The following TVP23C variants were observed in gnomAD, a reference collection of about 807,000 sequenced individuals.
TVP23C encodes Golgi apparatus membrane protein TVP23 homolog C.
Under a neutral mutation model 28.7 loss-of-function variants are expected in TVP23C, and 19 were observed. That is an observed-to-expected ratio of 0.66 (90% CI 0.46 to 0.97). The LOEUF (loss-of-function observed/expected upper bound fraction) is 0.97. TVP23C is among the 50% of genes least tolerant of loss of function. The probability of loss-of-function intolerance (pLI) is 0.00; values close to 1 mark genes in which losing one functional copy is unlikely to be tolerated. For missense variants in TVP23C, 186 were observed against 241.3 expected (o/e 0.77, Z 1.52); for synonymous variants, 68 against 81.7 (o/e 0.83, Z 0.90).
chr17:15,530,192 C>T (rs952605426), intron 5 of TVP23C, among the ~76,000 whole-genome samples: 1 of 152,188 alleles, frequency 6.6e-6, no homozygotes, highest in African/African-American at 2.4e-5. Context: ...CTGCTCTTTT[C>T]CTTTTATGCA....
rs537136384 is a variant in TVP23C, at chr17:15,557,603, C to G, written c.13-2239G>C. 1.4e-4 allele frequency among the ~76,000 whole-genome samples: 21 copies of G among 147,498 alleles called. 1 individual carries two copies. The highest frequency in any genetic ancestry group is 4.9e-4 in the African/African-American group (20 of 41,020). Reference sequence around the variant, plus strand: ...TGTGAGCCACCACGCCCAACCAAGACTGTCTTTGCATTGTAGTAAATCCTA... The same window carrying G: ...TGTGAGCCACCACGCCCAACCAAGAGTGTCTTTGCATTGTAGTAAATCCTA... On this transcript the variant is annotated intron_variant, in intron 1 of 5. Coordinates refer to ENST00000518321, the MANE Select transcript of TVP23C (RefSeq NM_001135036.2).
chr17:15,550,577 T>C (rs1983842186), intron 3 of TVP23C, among the ~76,000 whole-genome samples: 3 of 152,250 alleles, frequency 2.0e-5, no homozygotes, highest in South Asian at 2.1e-4. Flanking sequence ...TTTAAGATAG[T>C]AGTTTGTTAA....
At chr17:15,549,884 C>G (rs1042638485) in intron 3 of TVP23C, among the ~76,000 whole-genome samples, 15 of 151,204 alleles carry the variant, frequency 9.9e-5, no homozygotes, top group African/African-American at 3.7e-4. Context: ...AAGGAAGAGT[C>G]TTATGAGACC....
intron 5 of TVP23C, among the ~76,000 whole-genome samples, chr17:15,525,714 C>T (rs1982695871): frequency 6.6e-6 from 1 of 152,082 alleles, no homozygotes. Context: ...GTGCATGCGC[C>T]CACGTTCATC....
chr17:15,559,580 AG>A (rs1180666271), intron 1 of TVP23C, among the ~76,000 whole-genome samples: 1 of 148,440 alleles, frequency 6.7e-6, no homozygotes, highest in Non-Finnish European at 1.5e-5. Flanking sequence ...AAAAATCTGG[AG>A]GGGGAGGGGA....
intron 5 of TVP23C, among the ~76,000 whole-genome samples, chr17:15,525,478 G>A (rs147688251): frequency 0.021 from 3,217 of 152,288 alleles, 89 homozygotes; most frequent in African/African-American, 0.073. Context: ...GTGTGGGAAT[G>A]TCTCAGCCAG....
chr17:15,552,676 C>G (rs1370721749), intron 3 of TVP23C, among the ~76,000 whole-genome samples: 1 of 151,590 alleles, frequency 6.6e-6, no homozygotes, highest in Non-Finnish European at 1.5e-5. Flanking sequence ...AAAAGTGAAA[C>G]TCCGTCTCAA....
At position 15,538,902 on chromosome 17, in the gene TVP23C, T is replaced by C; in HGVS notation, c.*1510A>G. On this transcript the variant is annotated 3_prime_UTR_variant, in exon 6 of 6. Coordinates refer to ENST00000518321, the MANE Select transcript of TVP23C (RefSeq NM_001135036.2). ...AAAATCCTTCAGAATGAGATGATCA[T>C]GTCCCTACATGAATATTCATTTTCT... 4.1e-6 allele frequency: 4 copies of C among 985,852 alleles called. No homozygotes were observed. Among genetic ancestry groups the C allele is most frequent in the Non-Finnish European group, 3.6e-6 (3 of 829,936 alleles). The allele number at this position is 985,852 out of a possible 1,614,324, so 61.1% of individuals were successfully genotyped here. A position where few individuals can be genotyped will look rare whatever the true frequency, so the allele number is the denominator to read the frequency against.
intron 5 of TVP23C, chr17:15,531,141 C>G (rs894261183): frequency 1.2e-4 from 18 of 152,308 alleles, no homozygotes; most frequent in African/African-American, 4.1e-4. Flanking sequence ...AGCCTTCTGA[C>G]CTCTGTAGTT....
chr17:15,534,756 G>A (rs1163573983), downstream of TVP23C, among the ~76,000 whole-genome samples: 5 of 151,430 alleles, frequency 3.3e-5, no homozygotes, highest in African/African-American at 4.9e-5. Context: ...ATCACCTGAG[G>A]TCGGGAGTTC....
downstream of TVP23C, among the ~76,000 whole-genome samples, chr17:15,536,285 C>G (rs979166175): frequency 6.6e-6 from 1 of 152,144 alleles, no homozygotes; most frequent in Non-Finnish European, 1.5e-5. Context: ...ATTCACAAAA[C>G]GAAGCCTTTA....
rs552605794 is a variant in TVP23C, at chr17:15,539,773, T to C, written c.*639A>G. 3.0e-4 allele frequency: 300 copies of C among 985,096 alleles called. 1 individual carries two copies. In the African/African-American group the frequency reaches 4.7e-3, roughly 16 times the overall value. The allele number at this position is 985,096 out of a possible 1,614,324, so 61.0% of individuals were successfully genotyped here. On this transcript the variant is annotated 3_prime_UTR_variant, in exon 6 of 6. Transcript: ENST00000518321. ...CTGAGTACAAATGTTATGGTCTTCT[T>C]GTGATTCAACTGTTCTCCCTAAAAC...
chr17:15,521,303 G>T (rs973109265), intron 5 of TVP23C, among the ~76,000 whole-genome samples: 1 of 152,112 alleles, frequency 6.6e-6, no homozygotes, highest in African/African-American at 2.4e-5. Context: ...AGGAGATCAA[G>T]ACCATCCTGC....
chr17:15,536,593 T>C (rs542478860), downstream of TVP23C, among the ~76,000 whole-genome samples: 14 of 152,176 alleles, frequency 9.2e-5, no homozygotes, highest in East Asian at 2.5e-3. Context: ...AATTCATTGT[T>C]ACTTGGTTTA....
rs974294299 is a variant in TVP23C, at chr17:15,559,163, G to T, written c.13-3799C>A. Among the ~76,000 whole-genome samples the T allele has an allele frequency of 1.1e-4, 16 of 147,292 alleles. 2 individuals carry two copies. Among genetic ancestry groups the T allele is most frequent in the Non-Finnish European group, 2.0e-4 (13 of 66,068 alleles). On this transcript the variant is annotated intron_variant, in intron 1 of 5. Coordinates refer to ENST00000518321, the MANE Select transcript of TVP23C (RefSeq NM_001135036.2). Reference sequence around the variant, plus strand: ...CAGTTCCTTAAACATGCCAAACTTGGGCCCCGTCAGGTTCTTTTGCACTTA... The same window carrying T: ...CAGTTCCTTAAACATGCCAAACTTGTGCCCCGTCAGGTTCTTTTGCACTTA...
Position 15,553,687 on chromosome 17 carries a change from T to G in TVP23C, c.238A>C (p.Lys80Gln). ...AAAATAAAAACAATCAAAATTACCTTCACTGCCCAAAAGTCACACGACAAC... is the reference window on the plus strand; with the variant it reads ...AAAATAAAAACAATCAAAATTACCTGCACTGCCCAAAAGTCACACGACAAC... ...LLLSCDFWAV[K>Q]NVTGRLMVGL... Residue 80 changes from lysine (K) to glutamine (Q), a missense_variant and splice_region_variant, in exon 3 of 6, where the codon AAG becomes CAG. By Grantham distance (53) the Lys-to-Gln change is moderately conservative (BLOSUM62 1). Around this residue, in one of 3 missense-constraint regions of TVP23C, gnomAD observed 92 missense variants for 94.3 expected, o/e 0.98. Transcript: ENST00000518321. 1 of 1,599,988 alleles carries G rather than the reference T, an allele frequency of 6.3e-7. No individual in the cohort carries two copies. Among genetic ancestry groups the G allele is most frequent in the Non-Finnish European group, 8.5e-7 (1 of 1,176,392 alleles).
intron 5 of TVP23C, among the ~76,000 whole-genome samples, chr17:15,508,330 G>A (rs963943120): frequency 6.6e-6 from 1 of 152,144 alleles, no homozygotes; most frequent in African/African-American, 2.4e-5. Context: ...AACAGAGCTG[G>A]GCTTCTGTGG....
intron 1 of TVP23C, among the ~76,000 whole-genome samples, chr17:15,561,118 C>T (rs533590133): frequency 6.6e-6 from 1 of 152,042 alleles, no homozygotes; most frequent in Non-Finnish European, 1.5e-5. Context: ...AATTGTCTTC[C>T]GACGGCTTCC....
downstream of TVP23C, among the ~76,000 whole-genome samples, chr17:15,536,151 C>G (rs1282389326): frequency 6.6e-6 from 1 of 152,080 alleles, no homozygotes; most frequent in Admixed American, 6.6e-5. Context: ...GATCACACCA[C>G]TGCACTCCAG....
Sources: gnomAD v4.1 joint callset for allele counts (sites outside exome capture counted in the v4.1 genomes callset) on GRCh38, gnomAD v4.1.1 for gene constraint, gnomAD v4.1.1 regional missense constraint, MANE v1.5 for transcripts, NCBI Gene and HGNC (gene_info 2026-07-23, HGNC 2026-07-21) for gene names.